The following TLN2 variants were observed in gnomAD, a reference collection of about 807,000 sequenced individuals.
TLN2 encodes the protein talin-2.
TLN2 carries 118 observed loss-of-function variants against 294.7 expected under a neutral mutation model. The ratio of observed to expected loss-of-function variants is 0.40; its 90% CI spans 0.34 to 0.47. The LOEUF is 0.47. Among genes scored for constraint, TLN2 ranks in the 20% least tolerant of loss-of-function variants. TLN2 has a pLI of 0.84. For synonymous variants in TLN2, 1,431 were observed against 1,304.5 expected (o/e 1.10, Z -2.09); for missense variants, 3,083 against 3,282.2 (o/e 0.94, Z 1.48).
Position 62,718,877 on chromosome 15 carries a change from A to G in TLN2, c.2878-890A>G, listed in dbSNP as rs183915955. Among the ~76,000 whole-genome samples the G allele has an allele frequency of 5.2e-4, 79 of 152,302 alleles. No individual in the cohort carries two copies. The East Asian group carries it at 0.011, about 22-fold the overall frequency. Reference sequence around the variant, plus strand: ...TCTTGAGTGTCACTACCAGGAAATGAAAGGATTGAGATGGAGAGGGGAGAG... The same window carrying G: ...TCTTGAGTGTCACTACCAGGAAATGGAAGGATTGAGATGGAGAGGGGAGAG... On this transcript the variant is annotated intron_variant, in intron 24 of 58. Coordinates refer to ENST00000636159, the MANE Select transcript of TLN2 (RefSeq NM_015059.3).
In TLN2 at chr15:62,712,029, A is replaced by G; in HGVS notation, c.2586A>G (p.Ala862=). The G allele has an allele frequency of 6.2e-7, 1 of 1,614,268 alleles. No individual in the cohort carries two copies. Reference sequence around the variant, plus strand: ...AGAATTCAAAGAAGCTCCTGGCAGCAGCAAAACTCTTAGCTGACTCCACTG... The same window carrying G: ...AGAATTCAAAGAAGCTCCTGGCAGCGGCAAAACTCTTAGCTGACTCCACTG... ...DMENSKKLLA[A]AKLLADSTAR... The change falls in exon 22 of 59, where the codon GCA becomes GCG. Residue 862 remains alanine, a synonymous_variant. Transcript: ENST00000636159.
At chr15:62,799,226 C>T (rs1185068389) in intron 48 of TLN2, among the ~76,000 whole-genome samples, 1 of 152,120 alleles carries the variant, frequency 6.6e-6, no homozygotes, top group African/African-American at 2.4e-5. Flanking sequence ...GGAGTGTGGA[C>T]ATAAGGGTTG....
chr15:62,782,854 CAAAG>C (rs1433507823), intron 44 of TLN2, among the ~76,000 whole-genome samples: 2 of 152,086 alleles, frequency 1.3e-5, no homozygotes, highest in African/African-American at 4.8e-5. Flanking sequence ...TAAAAGGCCA[CAAAG>C]AAAGAGACAG....
At chr15:62,460,776 C>G (rs1295292705) in intron 1 of TLN2, among the ~76,000 whole-genome samples, 1 of 152,158 alleles carries the variant, frequency 6.6e-6, no homozygotes, top group African/African-American at 2.4e-5. Flanking sequence ...CAAATCATAA[C>G]TGGACGAGTT....
intron 9 of TLN2, among the ~76,000 whole-genome samples, chr15:62,671,068 C>A (rs1400780055): frequency 6.6e-6 from 1 of 152,142 alleles, no homozygotes; most frequent in Non-Finnish European, 1.5e-5. Context: ...TGCCTATTGG[C>A]CATTTGTATC....
intron 1 of TLN2, among the ~76,000 whole-genome samples, chr15:62,526,388 TC>T (rs1418442049): frequency 6.6e-6 from 1 of 152,192 alleles, no homozygotes; most frequent in Non-Finnish European, 1.5e-5. Flanking sequence ...TTGGTACACT[TC>T]CTCTGAATGA....
chr15:62,598,223 AC>A (rs1237267370), intron 2 of TLN2, among the ~76,000 whole-genome samples: 1 of 152,132 alleles, frequency 6.6e-6, no homozygotes, highest in Admixed American at 6.5e-5. Context: ...GACTTCTGAG[AC>A]CTTTCCTGTA....
intron 3 of TLN2, among the ~76,000 whole-genome samples, chr15:62,618,967 T>C (rs1221667581): frequency 1.3e-5 from 2 of 152,248 alleles, no homozygotes; most frequent in African/African-American, 4.8e-5. Context: ...ACTTGTGCCT[T>C]TCATTTTTGC....
rs1215545307 is a variant in TLN2, at chr15:62,797,394, G to A, written c.6226G>A (p.Glu2076Lys). The A allele has an allele frequency of 4.4e-6, 7 of 1,603,278 alleles. No homozygotes were observed. Among genetic ancestry groups the A allele is most frequent in the African/African-American group, 2.7e-5 (2 of 74,636 alleles). Residue 2076 changes from glutamate (E) to lysine (K), a missense_variant, in exon 48 of 59, where the codon GAG becomes AAG. Physicochemically the swap from Glu to Lys is moderately conservative, Grantham distance 56. Transcript: ENST00000636159. ...GAASLGSDDP[E>K]TQVVLINAIK... Reference sequence around the variant, plus strand: ...AGCCAGCCTGGGCTCCGACGACCCCGAGACCCAGGTACCAGCAGGGCCTGG... The same window carrying A: ...AGCCAGCCTGGGCTCCGACGACCCCAAGACCCAGGTACCAGCAGGGCCTGG...
chr15:62,757,829 A>G (rs1458744742), intron 37 of TLN2, among the ~76,000 whole-genome samples: 1 of 152,124 alleles, frequency 6.6e-6, no homozygotes, highest in Admixed American at 6.5e-5. Flanking sequence ...GCGTGTGGAA[A>G]TGGGCCTGGT....
At chr15:62,722,969 G>C (rs2060236474) in intron 26 of TLN2, among the ~76,000 whole-genome samples, 1 of 152,110 alleles carries the variant, frequency 6.6e-6, no homozygotes, top group Non-Finnish European at 1.5e-5. Flanking sequence ...TTATTGCGTG[G>C]GAGCATTCAC....
intron 1 of TLN2, among the ~76,000 whole-genome samples, chr15:62,547,888 A>G (rs1012454522): frequency 2.0e-5 from 3 of 152,172 alleles, no homozygotes; most frequent in South Asian, 2.1e-4. Flanking sequence ...TCTATCCTCT[A>G]CATTGCTATG....
intron 1 of TLN2, among the ~76,000 whole-genome samples, chr15:62,419,826 T>C (rs936585797): frequency 6.6e-6 from 1 of 152,080 alleles, no homozygotes; most frequent in Non-Finnish European, 1.5e-5. Context: ...TAGTAGACCA[T>C]GTAGCCCAGG....
At chr15:62,408,097 C>T (rs1285079820) in intron 1 of TLN2, among the ~76,000 whole-genome samples, 1 of 152,110 alleles carries the variant, frequency 6.6e-6, no homozygotes, top group Non-Finnish European at 1.5e-5. Context: ...CTAATTGTCC[C>T]TCCGTTAGTG....
chr15:62,460,183 A>G (rs534952537), intron 1 of TLN2, among the ~76,000 whole-genome samples: 4 of 152,196 alleles, frequency 2.6e-5, no homozygotes, highest in Admixed American at 1.3e-4. Context: ...TGCAGCAGCC[A>G]GCCATGTGTC....
At chr15:62,741,648 G>T (rs2061325079) in intron 32 of TLN2, among the ~76,000 whole-genome samples, 2 of 151,276 alleles carry the variant, frequency 1.3e-5, no homozygotes, top group African/African-American at 2.4e-5. Flanking sequence ...GGGATAGAGA[G>T]TAATTGGAGG....
intron 1 of TLN2, among the ~76,000 whole-genome samples, chr15:62,588,133 G>C (rs2045775574): frequency 6.6e-6 from 1 of 152,006 alleles, no homozygotes; most frequent in Non-Finnish European, 1.5e-5. Context: ...GCCCGCCTTC[G>C]CCTCCCAAAG....
At chr15:62,679,892 C>T (rs2056648492) in intron 11 of TLN2, among the ~76,000 whole-genome samples, 1 of 152,164 alleles carries the variant, frequency 6.6e-6, no homozygotes, top group East Asian at 1.9e-4. Context: ...TATGTAACCC[C>T]CACCATAATC....
At chr15:62,596,327 CA>C (rs971398320) in intron 2 of TLN2, among the ~76,000 whole-genome samples, 25 of 148,220 alleles carry the variant, frequency 1.7e-4, no homozygotes, top group African/African-American at 5.2e-4. Context: ...ATTCTTATCA[CA>C]AAAAAAATAC....
Sources: allele counts gnomAD v4.1 joint callset (sites outside exome capture counted in the v4.1 genomes callset), GRCh38; gene constraint gnomAD v4.1.1; transcripts MANE v1.5; gene names NCBI Gene and HGNC (gene_info 2026-07-23, HGNC 2026-07-21).